Variants in MAGI2 observed in about 807,000 individuals in gnomAD.
The protein encoded by MAGI2 is membrane-associated guanylate kinase, WW and PDZ domain-containing protein 2.
In MAGI2, 35 loss-of-function variants were observed where a neutral mutation model predicts 133.3. That is an observed-to-expected ratio of 0.26 (90% confidence interval 0.20 to 0.35). MAGI2 has a LOEUF of 0.35. Among genes scored for constraint, MAGI2 ranks in the 10% least tolerant of loss-of-function variants. MAGI2 has a pLI of 1.00. For synonymous variants in MAGI2, 729 were observed against 710.6 expected, an observed-to-expected ratio of 1.03 and a Z score of -0.41; for missense variants, 1,636 against 1,863.4, an observed-to-expected ratio of 0.88 and a Z score of 2.25.
intron 1 of MAGI2, among the ~76,000 whole-genome samples, chr7:79,207,830 A>C (rs1342637999): frequency 6.6e-6 from 1 of 152,046 alleles, no homozygotes; most frequent in African/African-American, 2.4e-5. Flanking sequence ...TACTGGCATA[A>C]AAACAAACAC....
chr7:78,995,741 T>C (rs1384447940), intron 2 of MAGI2, among the ~76,000 whole-genome samples: 4 of 152,152 alleles, frequency 2.6e-5, no homozygotes, highest in African/African-American at 9.7e-5. Context: ...TTTTTTACCA[T>C]AGGAGCATCT....
chr7:78,795,539 C>A (rs181693528), intron 2 of MAGI2, among the ~76,000 whole-genome samples: 30 of 151,724 alleles, frequency 2.0e-4, no homozygotes, highest in Non-Finnish European at 4.0e-4. Flanking sequence ...TAAAAGAAGT[C>A]GAGAGGACAC....
intron 1 of MAGI2, among the ~76,000 whole-genome samples, chr7:79,074,697 C>CTCTT (rs1368625314): frequency 3.9e-5 from 6 of 152,180 alleles, no homozygotes; most frequent in African/African-American, 1.2e-4. Context: ...AGGATATTTG[C>CTCTT]TCTTACATAC....
At chr7:79,260,224 C>T (rs115150001) in intron 1 of MAGI2, among the ~76,000 whole-genome samples, 1,960 of 152,076 alleles carry the variant, frequency 0.013, 39 homozygotes, top group African/African-American at 0.045. Context: ...TGCATGGTGG[C>T]GCGCTCCTGG....
At chr7:79,081,246 C>A (rs928965942) in intron 1 of MAGI2, among the ~76,000 whole-genome samples, 1 of 152,170 alleles carries the variant, frequency 6.6e-6, no homozygotes, top group African/African-American at 2.4e-5. Flanking sequence ...GTCTATTTAT[C>A]TCCATCTCAG....
chr7:78,837,729 A>G (rs190749800), intron 2 of MAGI2, among the ~76,000 whole-genome samples: 1 of 152,180 alleles, frequency 6.6e-6, no homozygotes, highest in East Asian at 1.9e-4. Flanking sequence ...TAAGTTACAA[A>G]GGAAATTCCA....
At chr7:79,250,734 G>T (rs780757204) in intron 1 of MAGI2, among the ~76,000 whole-genome samples, 1 of 151,366 alleles carries the variant, frequency 6.6e-6, no homozygotes, top group Admixed American at 6.6e-5. Context: ...TACAGAAATA[G>T]GAAAAAAAAA....
chr7:79,040,060 T>C (rs1811512179), intron 1 of MAGI2, among the ~76,000 whole-genome samples: 1 of 151,946 alleles, frequency 6.6e-6, no homozygotes, highest in Admixed American at 6.6e-5. Context: ...CCAAATTTCA[T>C]CTTGAATTGT....
At chr7:78,855,952 AGGT>A (rs1793600017) in intron 2 of MAGI2, among the ~76,000 whole-genome samples, 1 of 152,098 alleles carries the variant, frequency 6.6e-6, no homozygotes, top group African/African-American at 2.4e-5. Flanking sequence ...CCATTCTAAC[AGGT>A]GTGAGATGGT....
Position 78,552,232 on chromosome 7 carries a change from G to A in MAGI2, c.539-30587C>T, listed in dbSNP as rs374920981. 2.5e-3 allele frequency among the ~76,000 whole-genome samples: 327 copies of A among 132,400 alleles called. 1 individual carries two copies. The highest frequency in any genetic ancestry group is 8.5e-3 in the African/African-American group (292 of 34,208). 86.9% of individuals were successfully genotyped at this position (132,400 alleles called of 152,430 possible). A position where few individuals can be genotyped will look rare whatever the true frequency, so the allele number is the denominator to read the frequency against. On this transcript the variant is annotated intron_variant, in intron 3 of 21. Coordinates refer to ENST00000354212, the MANE Select transcript of MAGI2 (RefSeq NM_012301.4). ...GAGTTTAACTCTTCTTGCCCAGGCT[G>A]GAGTACAATGGCGCGATCTCAGCTC...
chr7:78,808,419 G>C (rs1315429370), intron 2 of MAGI2, among the ~76,000 whole-genome samples: 1 of 151,994 alleles, frequency 6.6e-6, no homozygotes, highest in Non-Finnish European at 1.5e-5. Flanking sequence ...ACCACGCCTG[G>C]CTAATTTTTT....
chr7:78,842,694 A>T (rs1792247694), intron 2 of MAGI2, among the ~76,000 whole-genome samples: 2 of 152,000 alleles, frequency 1.3e-5, no homozygotes, highest in East Asian at 1.9e-4. Flanking sequence ...GAAGAAAAAA[A>T]TCCTATATGC....
intron 9 of MAGI2, among the ~76,000 whole-genome samples, chr7:78,299,297 C>G (rs1797620102): frequency 6.6e-6 from 1 of 152,122 alleles, no homozygotes; most frequent in South Asian, 2.1e-4. Context: ...TTAAGCAGTG[C>G]TCGTTACATG....
At chr7:79,368,832 A>C in intron 1 of MAGI2, among the ~76,000 whole-genome samples, 1 of 134,904 alleles carries the variant, frequency 7.4e-6, no homozygotes, top group Non-Finnish European at 1.5e-5. Flanking sequence ...TGGGCGACAG[A>C]GCGAGACTCC....
chr7:79,344,791 G>A (rs1381562338), intron 1 of MAGI2, among the ~76,000 whole-genome samples: 1 of 152,020 alleles, frequency 6.6e-6, no homozygotes, highest in Non-Finnish European at 1.5e-5. Context: ...TATAAATGTG[G>A]CATTTACCTG....
intron 2 of MAGI2, among the ~76,000 whole-genome samples, chr7:78,889,345 C>A (rs1396289583): frequency 1.3e-5 from 2 of 152,180 alleles, no homozygotes; most frequent in Admixed American, 1.3e-4. Flanking sequence ...TCTAGCAAGG[C>A]AGGCCAACAT....
chr7:79,450,925 G>T (rs1849196549), intron 1 of MAGI2, among the ~76,000 whole-genome samples: 1 of 152,120 alleles, frequency 6.6e-6, no homozygotes, highest in African/African-American at 2.4e-5. Context: ...ATTTCTCATA[G>T]ATTTATCACC....
chr7:79,354,905 G>T (rs1841922348), intron 1 of MAGI2, among the ~76,000 whole-genome samples: 1 of 152,110 alleles, frequency 6.6e-6, no homozygotes, highest in South Asian at 2.1e-4. Flanking sequence ...TTTCTGACTG[G>T]CTTTTTCCCC....
rs562199705 is a variant in MAGI2, at chr7:78,554,129, A to G, written c.539-32484T>C. Among the ~76,000 whole-genome samples, 244 of 152,322 alleles carry G rather than the reference A, an allele frequency of 1.6e-3. 3 individuals carry two copies. The highest frequency in any genetic ancestry group is 5.6e-3 in the African/African-American group (233 of 41,572). On this transcript the variant is annotated intron_variant, in intron 3 of 21. Coordinates refer to ENST00000354212, the MANE Select transcript of MAGI2 (RefSeq NM_012301.4). ...GATGCTCTCCAGGAAGTGAAGGTAGATTGGTATTGATTCACTGACCCAAAG... is the reference window on the plus strand; with the variant it reads ...GATGCTCTCCAGGAAGTGAAGGTAGGTTGGTATTGATTCACTGACCCAAAG...
Sources: gnomAD v4.1 joint callset for allele counts (sites outside exome capture counted in the v4.1 genomes callset) on GRCh38, gnomAD v4.1.1 for gene constraint, MANE v1.5 for transcripts, NCBI Gene and HGNC (gene_info 2026-07-23, HGNC 2026-07-21) for gene names.